Variants in LRRC37A observed in about 807,000 individuals in gnomAD.
LRRC37A encodes leucine-rich repeat-containing protein 37A.
Under a neutral mutation model 35.4 loss-of-function variants are expected in LRRC37A, and 3 were observed. The observed-to-expected ratio is 0.08, with a 90% CI of 0.04 to 0.22. LRRC37A has a LOEUF of 0.22. LRRC37A is among the 10% of genes least tolerant of loss of function. The pLI, the probability that LRRC37A is intolerant of heterozygous loss-of-function variation, is 1.00. For missense variants in LRRC37A, 67 were observed against 565.3 expected, an observed-to-expected ratio of 0.12 and a Z score of 8.94; for synonymous variants, 23 against 215.0, an observed-to-expected ratio of 0.11 and a Z score of 7.81.
At chr17:46,254,882 C>T in the LRRC37A span, among the ~76,000 whole-genome samples, 1 of 151,974 alleles carries the variant, frequency 6.6e-6, no homozygotes, top group Non-Finnish European at 1.5e-5. Context: ...GTCACCCAGG[C>T]TGGAGTGCAG....
chr17:46,276,538 G>A, the LRRC37A span, among the ~76,000 whole-genome samples: 1 of 152,154 alleles, frequency 6.6e-6, no homozygotes, highest in Non-Finnish European at 1.5e-5. Flanking sequence ...GAAAGAATAT[G>A]GATGGTATAA....
the LRRC37A span, chr17:46,274,910 G>A: frequency 6.7e-6 from 1 of 150,050 alleles, no homozygotes; most frequent in Non-Finnish European, 1.5e-5. Flanking sequence ...TTTTGTTTTT[G>A]AAACGGAGTT....
At chr17:46,270,990 T>A in the LRRC37A span, among the ~76,000 whole-genome samples, 18,471 of 152,142 alleles carry the variant, frequency 0.12, no homozygotes, top group Non-Finnish European at 0.18. Context: ...CTAAGAAAAG[T>A]CTTTTAGTAT....
At chr17:46,274,500 T>G in the LRRC37A span, among the ~76,000 whole-genome samples, 1 of 152,214 alleles carries the variant, frequency 6.6e-6, no homozygotes, top group Non-Finnish European at 1.5e-5. Context: ...GCTCCTTTCA[T>G]AGAAAGAAAA....
chr17:46,283,374 A>T, the LRRC37A span, among the ~76,000 whole-genome samples: 2 of 152,268 alleles, frequency 1.3e-5, no homozygotes, highest in African/African-American at 4.8e-5. Context: ...GTTCAAGGAA[A>T]GGCTGGGCCA....
Position 46,324,677 on chromosome 17 carries a change from GAT to G in LRRC37A, c.3053+1660_3053+1661del, listed in dbSNP as rs1165300479. ...TTTGCAGGATATATATATAGATATA[GAT>G]ATATATATAAATCAGCCAGGTGTGG... On this transcript the variant is annotated intron_variant, in intron 7 of 13. Transcript: ENST00000320254. Among the ~76,000 whole-genome samples, 20 of 6,400 alleles carry G rather than the reference GAT, an allele frequency of 3.1e-3. 4 individuals are homozygous for G. Among genetic ancestry groups the G allele is most frequent in the East Asian group, 0.33 (2 of 6 alleles). The allele number at this position is 6,400 out of a possible 152,430, so 4.2% of individuals were successfully genotyped here.
chr17:46,258,333 C>T, the LRRC37A span, among the ~76,000 whole-genome samples: 1 of 152,050 alleles, frequency 6.6e-6, no homozygotes, highest in Admixed American at 6.6e-5. Flanking sequence ...GCCTCAGCCT[C>T]CCAAGTAGCT....
At chr17:46,255,621 C>A in the LRRC37A span, among the ~76,000 whole-genome samples, 2 of 151,724 alleles carry the variant, frequency 1.3e-5, no homozygotes, top group South Asian at 4.1e-4. Context: ...TGACTTCAGC[C>A]TCCCAAAGTG....
the LRRC37A span, among the ~76,000 whole-genome samples, chr17:46,252,449 A>G: frequency 2.7e-5 from 4 of 146,132 alleles, no homozygotes; most frequent in African/African-American, 9.8e-5. Context: ...TCATAGGACA[A>G]TAGTGGAGGG....
the LRRC37A span, among the ~76,000 whole-genome samples, chr17:46,276,790 C>CTTTTTTTT: frequency 6.3e-4 from 84 of 134,138 alleles, no homozygotes; most frequent in East Asian, 1.3e-3. Flanking sequence ...TTCTTTTTTT[C>CTTTTTTTT]TTTTTTTTTT....
the LRRC37A span, among the ~76,000 whole-genome samples, chr17:46,254,707 A>ATTT: frequency 6.9e-6 from 1 of 144,230 alleles, no homozygotes; most frequent in Non-Finnish European, 1.5e-5. Context: ...GCGCCTGGCA[A>ATTT]TTTTTTTTTT....
upstream of LRRC37A, among the ~76,000 whole-genome samples, chr17:46,288,613 T>A (rs2907469): frequency 6.6e-6 from 1 of 151,796 alleles, no homozygotes; most frequent in South Asian, 2.1e-4. Context: ...TCATATTTTT[T>A]AAAAAAAGTT....
the LRRC37A span, among the ~76,000 whole-genome samples, chr17:46,262,092 G>A: frequency 6.6e-6 from 1 of 152,204 alleles, no homozygotes; most frequent in Non-Finnish European, 1.5e-5. Context: ...TGGGACTACA[G>A]GCGAGCACCA....
the LRRC37A span, among the ~76,000 whole-genome samples, chr17:46,255,490 C>A: frequency 4.7e-5 from 7 of 148,110 alleles, no homozygotes. Context: ...CTCAGCCTAC[C>A]GAGTTAGCTG....
chr17:46,323,534 T>C (rs2051516876), intron 7 of LRRC37A, among the ~76,000 whole-genome samples: 2 of 90,666 alleles, frequency 2.2e-5, no homozygotes, highest in Admixed American at 2.2e-4. Flanking sequence ...GTAGCTGGGA[T>C]TACAGGCGCA....
the LRRC37A span, among the ~76,000 whole-genome samples, chr17:46,251,335 T>C: frequency 1.3e-5 from 2 of 151,800 alleles, no homozygotes; most frequent in African/African-American, 4.8e-5. Flanking sequence ...CTCGCCTCAC[T>C]GCAACCTCTG....
At chr17:46,289,956 TA>T (rs1482162118), upstream of LRRC37A, among the ~76,000 whole-genome samples, 5 of 152,152 alleles carry the variant, frequency 3.3e-5, no homozygotes, top group Non-Finnish European at 7.3e-5. Context: ...CCATCTCTAC[TA>T]AAAATACAAA....
In LRRC37A at chr17:46,332,795, G is replaced by A. The variant is rs374638896; in HGVS notation, c.4809+139G>A. The stretch of plus-strand genomic sequence containing the variant: ...TTCTTCAGTCATTTAAGGCTGAGGT[G>A]TATGCTTTGTTCTTTTATTGCAGTG... On this transcript the variant is annotated intron_variant, in intron 10 of 13. Transcript: ENST00000320254. 1.4e-5 allele frequency: 5 copies of A among 363,380 alleles called. No individual in the cohort carries two copies. In the East Asian group the frequency reaches 2.3e-4, roughly 17 times the overall value. The allele number at this position is 363,380 out of a possible 1,614,324, so 22.5% of individuals were successfully genotyped here.
chr17:46,263,769 G>A, the LRRC37A span, among the ~76,000 whole-genome samples: 14 of 150,930 alleles, frequency 9.3e-5, no homozygotes, highest in African/African-American at 2.4e-4. Flanking sequence ...CAGGAGAATC[G>A]CTTGAACCTG....
Sources: allele counts gnomAD v4.1 joint callset (sites outside exome capture counted in the v4.1 genomes callset), GRCh38; gene constraint gnomAD v4.1.1; transcripts MANE v1.5; gene names NCBI Gene and HGNC (gene_info 2026-07-23, HGNC 2026-07-21).